Variants in SGCZ observed in about 807,000 individuals in gnomAD.
SGCZ encodes sarcoglycan zeta.
SGCZ carries 40 observed loss-of-function variants against 41.3 expected under a neutral mutation model. The ratio of observed to expected loss-of-function variants is 0.97; its 90% CI spans 0.75 to 1.26. The LOEUF (loss-of-function observed/expected upper bound fraction) is 1.26. SGCZ is among the 50% of genes most tolerant of loss of function. SGCZ has a pLI of 0.00. For missense variants in SGCZ, 552 were observed against 369.8 expected (o/e 1.49, Z -4.04); for synonymous variants, 206 against 137.5 (o/e 1.50, Z -3.49).
chr8:14,982,945 G>C (rs1801717482), intron 1 of SGCZ, among the ~76,000 whole-genome samples: 1 of 152,198 alleles, frequency 6.6e-6, no homozygotes. Context: ...TCCGGAGACA[G>C]AGGAAGTAGT....
intron 1 of SGCZ, among the ~76,000 whole-genome samples, chr8:15,035,131 T>G (rs555221223): frequency 6.6e-6 from 1 of 152,224 alleles, no homozygotes; most frequent in South Asian, 2.1e-4. Flanking sequence ...CTATTAATGA[T>G]AATAATAGCT....
intron 1 of SGCZ, among the ~76,000 whole-genome samples, chr8:15,120,611 T>C (rs1035282421): frequency 1.3e-5 from 2 of 152,210 alleles, no homozygotes; most frequent in Non-Finnish European, 2.9e-5. Flanking sequence ...GTAGAAATTG[T>C]GTTTTGTGAT....
chr8:14,732,043 A>T (rs1057503111), intron 1 of SGCZ, among the ~76,000 whole-genome samples: 4 of 152,202 alleles, frequency 2.6e-5, no homozygotes, highest in Non-Finnish European at 1.5e-5. Context: ...TTCAAGTACA[A>T]CTTGTTGAGC....
chr8:14,097,769 C>T (rs1801889960), intron 7 of SGCZ, among the ~76,000 whole-genome samples: 1 of 152,044 alleles, frequency 6.6e-6, no homozygotes, highest in Non-Finnish European at 1.5e-5. Context: ...AATCTGGGTG[C>T]TCCTGTTTTG....
chr8:15,210,516 T>C (rs1801201605), intron 1 of SGCZ, among the ~76,000 whole-genome samples: 1 of 152,176 alleles, frequency 6.6e-6, no homozygotes, highest in African/African-American at 2.4e-5. Flanking sequence ...CTCTGTGCCT[T>C]ACTTGCAACC....
At chr8:15,120,928 C>T (rs183733626) in intron 1 of SGCZ, among the ~76,000 whole-genome samples, 1 of 152,134 alleles carries the variant, frequency 6.6e-6, no homozygotes, top group African/African-American at 2.4e-5. Context: ...TGAAGATGGC[C>T]TTCTTTGGTA....
rs1243774152 is a variant in SGCZ at position 14,616,043 on chromosome 8, G to C, written c.40-61117C>G. Among the ~76,000 whole-genome samples, 6 of 152,078 alleles carry C rather than the reference G, an allele frequency of 3.9e-5. No homozygotes were observed. In the South Asian group the frequency reaches 1.0e-3, roughly 26 times the overall value. On this transcript the variant is annotated intron_variant, in intron 1 of 7. Transcript: ENST00000382080. ...TCAGGCCTGTAATCCCAGCACTTTG[G>C]GAGGCTGAGGCGGGCAGATCACGAG...
intron 1 of SGCZ, among the ~76,000 whole-genome samples, chr8:14,561,475 T>A (rs1804205649): frequency 6.6e-6 from 1 of 152,160 alleles, no homozygotes; most frequent in South Asian, 2.1e-4. Context: ...CCTTTTGATG[T>A]TAATTCAATG....
intron 1 of SGCZ, among the ~76,000 whole-genome samples, chr8:15,007,044 A>G (rs1802629500): frequency 6.6e-6 from 1 of 152,228 alleles, no homozygotes; most frequent in Non-Finnish European, 1.5e-5. Context: ...TACTTAGACT[A>G]GTATATTTAA....
intron 1 of SGCZ, among the ~76,000 whole-genome samples, chr8:14,634,490 C>A (rs56783085): frequency 0.33 from 50,449 of 151,552 alleles, 8,716 homozygotes; most frequent in East Asian, 0.62. Context: ...CAAGTTATTG[C>A]AGAAAAATAC....
intron 1 of SGCZ, among the ~76,000 whole-genome samples, chr8:14,751,564 T>C (rs928769458): frequency 2.0e-5 from 3 of 152,160 alleles, no homozygotes; most frequent in African/African-American, 7.2e-5. Flanking sequence ...ACCAGAATAC[T>C]GTATTTTTAT....
intron 1 of SGCZ, among the ~76,000 whole-genome samples, chr8:15,072,693 T>C (rs1481523634): frequency 1.3e-5 from 2 of 152,050 alleles, no homozygotes; most frequent in African/African-American, 2.4e-5. Context: ...TTTTGAAAAA[T>C]AGAAAACCTA....
intron 5 of SGCZ, among the ~76,000 whole-genome samples, chr8:14,112,691 A>G (rs1302474922): frequency 1.3e-5 from 2 of 152,084 alleles, no homozygotes; most frequent in Non-Finnish European, 2.9e-5. Flanking sequence ...TTGGCCAAGT[A>G]TTTAAAGCCC....
chr8:14,413,265 G>A (rs1293281345), intron 2 of SGCZ, among the ~76,000 whole-genome samples: 3 of 151,958 alleles, frequency 2.0e-5, no homozygotes, highest in Non-Finnish European at 2.9e-5. Context: ...AATCGACAAA[G>A]GGTACAGGTT....
In SGCZ at chr8:14,090,146, T is replaced by C. The variant is rs373900312; in HGVS notation, c.*297A>G. Reference sequence around the variant, plus strand: ...TCCAGGTCCTGCAAAAATCTAAAACTGTGTGCTTCACTTCGCGTAGCAAAG... The same window carrying C: ...TCCAGGTCCTGCAAAAATCTAAAACCGTGTGCTTCACTTCGCGTAGCAAAG... On this transcript the variant is annotated 3_prime_UTR_variant, in exon 8 of 8. Coordinates refer to ENST00000382080, the MANE Select transcript of SGCZ (RefSeq NM_139167.4). 4.3e-5 allele frequency: 10 copies of C among 231,452 alleles called. No homozygotes were observed. The East Asian group carries it at 7.8e-4, about 18-fold the overall frequency. The allele number at this position is 231,452 out of a possible 1,614,324, so 14.3% of individuals were successfully genotyped here.
At chr8:15,227,885 T>C (rs1251204823) in intron 1 of SGCZ, among the ~76,000 whole-genome samples, 1 of 152,190 alleles carries the variant, frequency 6.6e-6, no homozygotes, top group African/African-American at 2.4e-5. Flanking sequence ...TCACAGATAA[T>C]TTTCACAATT....
At chr8:14,560,988 C>G (rs1359481000) in intron 1 of SGCZ, among the ~76,000 whole-genome samples, 1 of 152,010 alleles carries the variant, frequency 6.6e-6, no homozygotes, top group African/African-American at 2.4e-5. Flanking sequence ...TCACAAAATA[C>G]TTTAGAGCAT....
At chr8:14,820,970 G>A (rs1460995885) in intron 1 of SGCZ, among the ~76,000 whole-genome samples, 2 of 149,108 alleles carry the variant, frequency 1.3e-5, no homozygotes, top group Non-Finnish European at 3.0e-5. Context: ...TTGAAGGAAG[G>A]AAATAATAAA....
At chr8:14,523,696 TGTAA>T (rs1802856816) in intron 2 of SGCZ, among the ~76,000 whole-genome samples, 1 of 152,130 alleles carries the variant, frequency 6.6e-6, no homozygotes, top group Non-Finnish European at 1.5e-5. Flanking sequence ...TTGTTGAATA[TGTAA>T]GTATATGTTT....
Sources: allele counts gnomAD v4.1 joint callset (sites outside exome capture counted in the v4.1 genomes callset), GRCh38; gene constraint gnomAD v4.1.1; transcripts MANE v1.5; gene names NCBI Gene and HGNC (gene_info 2026-07-23, HGNC 2026-07-21).